EXOC6B: variants seen among roughly 807,000 people sequenced by gnomAD.
The protein encoded by EXOC6B is SEC15 homolog B.
A neutral mutation model predicts 113.5 loss-of-function variants in EXOC6B; 54 were observed. The observed-to-expected ratio is 0.48, with a 90% CI of 0.38 to 0.60. The LOEUF is 0.60. Among genes scored for constraint, EXOC6B ranks in the 20% least tolerant of loss-of-function variants. EXOC6B has a pLI of 0.00. For synonymous variants in EXOC6B, 357 were observed against 339.0 expected (o/e 1.05, Z -0.58); for missense variants, 797 against 977.5 (o/e 0.82, Z 2.46).
At chr2:72,697,477 G>A (rs1198829415) in intron 6 of EXOC6B, among the ~76,000 whole-genome samples, 1 of 151,984 alleles carries the variant, frequency 6.6e-6, no homozygotes, top group East Asian at 1.9e-4. Flanking sequence ...CTTGAACTCA[G>A]GAGTTCAAGA....
intron 9 of EXOC6B, 132 bp from the exon 10 acceptor site, chr2:72,514,812 A>C (rs1701132075): frequency 1.6e-6 from 1 of 641,140 alleles, no homozygotes; most frequent in Non-Finnish European, 2.7e-6. Context: ...TAATAATATT[A>C]TCTACCAATG....
intron 7 of EXOC6B, among the ~76,000 whole-genome samples, chr2:72,569,585 T>C (rs1295865850): frequency 6.6e-6 from 1 of 152,166 alleles, no homozygotes; most frequent in Non-Finnish European, 1.5e-5. Flanking sequence ...TTTTAAGCAT[T>C]GTGTAGGCCA....
intron 1 of EXOC6B, among the ~76,000 whole-genome samples, chr2:72,794,641 A>G (rs1684847695): frequency 6.6e-6 from 1 of 152,246 alleles, no homozygotes. Flanking sequence ...CCAAAGAAAC[A>G]CTGAGCACCT....
At chr2:72,602,793 C>T (rs1670509416) in intron 6 of EXOC6B, among the ~76,000 whole-genome samples, 3 of 152,106 alleles carry the variant, frequency 2.0e-5, no homozygotes, top group African/African-American at 7.2e-5. Context: ...CTGTTGAGAT[C>T]GAACATCAGC....
intron 20 of EXOC6B, among the ~76,000 whole-genome samples, chr2:72,265,257 A>ATT (rs1189558897): frequency 2.2e-4 from 33 of 150,366 alleles, no homozygotes; most frequent in African/African-American, 8.1e-4. Flanking sequence ...TATTATTATT[A>ATT]TTATTATTAT....
intron 18 of EXOC6B, among the ~76,000 whole-genome samples, chr2:72,422,322 T>A (rs1486990744): frequency 2.0e-5 from 3 of 152,252 alleles, no homozygotes; most frequent in Non-Finnish European, 4.4e-5. Flanking sequence ...GAGTCTTTAT[T>A]ATCTAGCTCA....
At chr2:72,628,823 C>T (rs917921604) in intron 6 of EXOC6B, among the ~76,000 whole-genome samples, 2 of 152,060 alleles carry the variant, frequency 1.3e-5, no homozygotes, top group Non-Finnish European at 2.9e-5. Context: ...ACATACAGTA[C>T]GTTGTTACAA....
intron 20 of EXOC6B, among the ~76,000 whole-genome samples, chr2:72,290,323 T>C (rs1382280575): frequency 6.6e-6 from 1 of 152,178 alleles, no homozygotes; most frequent in Non-Finnish European, 1.5e-5. Context: ...CAGAGAACCA[T>C]GACTAATACA....
chr2:72,575,796 ATATCT>A (rs1704812821), intron 6 of EXOC6B, 128 bp from the exon 7 acceptor site: 1 of 799,900 alleles, frequency 1.3e-6, no homozygotes, highest in Non-Finnish European at 1.8e-6. Context: ...GAACAAATTG[ATATCT>A]TAACGAAAAT....
chr2:72,377,882 T>G (rs1691448526), intron 19 of EXOC6B, among the ~76,000 whole-genome samples: 1 of 151,932 alleles, frequency 6.6e-6, no homozygotes, highest in South Asian at 2.1e-4. Context: ...AAGTAATATA[T>G]ATATTAACTA....
intron 1 of EXOC6B, among the ~76,000 whole-genome samples, chr2:72,749,176 A>G (rs1285548592): frequency 6.6e-6 from 1 of 152,114 alleles, no homozygotes; most frequent in Non-Finnish European, 1.5e-5. Context: ...AAGATATAAA[A>G]AAGTACCTCT....
chr2:72,587,539 C>T (rs574930844), intron 6 of EXOC6B, among the ~76,000 whole-genome samples: 1 of 152,092 alleles, frequency 6.6e-6, no homozygotes, highest in East Asian at 1.9e-4. Context: ...CAAACCTGCA[C>T]GTGGCCACAT....
rs1233389631 is a variant in EXOC6B, at chr2:72,363,745, A to G, written c.2122+15984T>C. The stretch of plus-strand genomic sequence containing the variant: ...CCCTCTCATCTTTATATTGTTCAGT[A>G]CTATTATTATTCCTACTTCATAAAT... On this transcript the variant is annotated intron_variant, in intron 19 of 21. Transcript: ENST00000272427. Among the ~76,000 whole-genome samples, 4 of 152,092 alleles carry G rather than the reference A, an allele frequency of 2.6e-5. No individual in the cohort carries two copies. In the East Asian group the frequency reaches 7.7e-4, roughly 29 times the overall value.
At chr2:72,715,186 C>G (rs1215996488) in intron 6 of EXOC6B, among the ~76,000 whole-genome samples, 1 of 152,032 alleles carries the variant, frequency 6.6e-6, no homozygotes, top group African/African-American at 2.4e-5. Context: ...GAGATTGCAC[C>G]AATGCACTCC....
intron 6 of EXOC6B, among the ~76,000 whole-genome samples, chr2:72,711,288 G>T (rs1679257913): frequency 6.6e-6 from 1 of 152,026 alleles, no homozygotes; most frequent in Middle Eastern, 3.2e-3. Flanking sequence ...AATGGAATAG[G>T]ATAAAATGGA....
rs200362074 is a variant in EXOC6B at position 72,642,749 on chromosome 2, A to C, written c.670-67081T>G. On this transcript the variant is annotated intron_variant, in intron 6 of 21. Transcript: ENST00000272427. ...ACACCAACAGCAATGGCAACAAAAG[A>C]CAAAATTGACAAATGGGATCTCATT... Among the ~76,000 whole-genome samples, 221 of 151,478 alleles carry C rather than the reference A, an allele frequency of 1.5e-3. 2 individuals are homozygous for C. Among genetic ancestry groups the C allele is most frequent in the African/African-American group, 5.3e-3 (216 of 40,820 alleles).
Position 72,636,369 on chromosome 2 carries a change from G to GAAGGAAGGAAGGAAGGAAGC in EXOC6B, c.670-60702_670-60701insGCTTCCTTCCTTCCTTCCTT, listed in dbSNP as rs771182488. Among the ~76,000 whole-genome samples, 47 of 96,616 alleles carry GAAGGAAGGAAGGAAGGAAGC rather than the reference G, an allele frequency of 4.9e-4. 1 individual carries two copies. The highest frequency in any genetic ancestry group is 2.6e-3 in the African/African-American group (43 of 16,482). 63.4% of individuals were successfully genotyped at this position (96,616 alleles called of 152,430 possible). ...GGAAGGAAGGAAGGAAGGAAGGAAG[G>GAAGGAAGGAAGGAAGGAAGC]AAGCAAGGAAGCAAGGAAGGGAGGG... On this transcript the variant is annotated intron_variant, in intron 6 of 21. Transcript: ENST00000272427.
intron 20 of EXOC6B, among the ~76,000 whole-genome samples, chr2:72,329,418 A>G (rs1159957596): frequency 6.6e-6 from 1 of 152,088 alleles, no homozygotes; most frequent in Non-Finnish European, 1.5e-5. Flanking sequence ...GACAGTTTAG[A>G]CTGGTTATGG....
At chr2:72,208,977 A>G (rs1281716337) in intron 20 of EXOC6B, among the ~76,000 whole-genome samples, 2 of 152,122 alleles carry the variant, frequency 1.3e-5, no homozygotes, top group African/African-American at 2.4e-5. Flanking sequence ...TAATCCCAGC[A>G]CTTTGGGAAG....
Sources: gnomAD v4.1 joint callset for allele counts (sites outside exome capture counted in the v4.1 genomes callset) on GRCh38, gnomAD v4.1.1 for gene constraint, MANE v1.5 for transcripts, NCBI Gene and HGNC (gene_info 2026-07-23, HGNC 2026-07-21) for gene names.